Variants in GNG7 observed in about 807,000 individuals in gnomAD.
The protein encoded by GNG7 is G protein subunit gamma 7.
A neutral mutation model predicts 4.0 loss-of-function variants in GNG7; 1 was observed. The observed-to-expected ratio is 0.25, with a 90% confidence interval of 0.09 to 1.18. GNG7 has a LOEUF of 1.18. Among genes scored for constraint, GNG7 ranks in the 50% most tolerant of loss-of-function variants. GNG7 has a pLI of 0.50. For synonymous variants in GNG7, 34 were observed against 36.9 expected, an observed-to-expected ratio of 0.92 and a Z score of 0.29; for missense variants, 86 against 91.9, an observed-to-expected ratio of 0.94 and a Z score of 0.26.
chr19:2,556,737 C>A (rs1014154401), intron 2 of GNG7, among the ~76,000 whole-genome samples: 1 of 152,162 alleles, frequency 6.6e-6, no homozygotes, highest in African/African-American at 2.4e-5. Flanking sequence ...ACTGAGGTCA[C>A]CTTCTCCTAA....
At chr19:2,675,207 C>G (rs968308467) in intron 1 of GNG7, among the ~76,000 whole-genome samples, 1 of 152,158 alleles carries the variant, frequency 6.6e-6, no homozygotes, top group Admixed American at 6.6e-5. Context: ...GACGGATGCA[C>G]GCCAGAAATT....
chr19:2,630,805 G>A (rs1982140586), intron 2 of GNG7: 1 of 151,700 alleles, frequency 6.6e-6, no homozygotes, highest in Admixed American at 6.6e-5. Flanking sequence ...ATGGAACCAT[G>A]AGATAATAAA....
intron 1 of GNG7, among the ~76,000 whole-genome samples, chr19:2,650,774 C>A (rs569100702): frequency 6.6e-6 from 1 of 152,242 alleles, no homozygotes; most frequent in African/African-American, 2.4e-5. Context: ...CTCAGCCTGA[C>A]AGAAACGCTG....
intron 3 of GNG7, among the ~76,000 whole-genome samples, chr19:2,541,066 G>A (rs998151505): frequency 6.6e-6 from 1 of 152,396 alleles, no homozygotes; most frequent in South Asian, 2.1e-4. Flanking sequence ...CAGAGACAGG[G>A]ACTTTACCGA....
intron 2 of GNG7, among the ~76,000 whole-genome samples, chr19:2,639,593 G>A (rs1982429768): frequency 1.0e-4 from 1 of 9,998 alleles, no homozygotes; most frequent in Non-Finnish European, 2.2e-4. Context: ...AATGTAGATG[G>A]CAGGCACAGA....
intron 3 of GNG7, among the ~76,000 whole-genome samples, chr19:2,539,471 A>G (rs542676683): frequency 5.0e-4 from 76 of 151,392 alleles, no homozygotes; most frequent in African/African-American, 1.8e-3. Context: ...CGCCTGGCTA[A>G]TTTTTGTATT....
At chr19:2,689,905 G>A (rs1400044665) in intron 1 of GNG7, among the ~76,000 whole-genome samples, 4 of 152,056 alleles carry the variant, frequency 2.6e-5, no homozygotes, top group South Asian at 2.1e-4. Context: ...CTACGGCAAC[G>A]ACTTAACTAC....
chr19:2,623,068 A>G (rs1981926350), intron 2 of GNG7, among the ~76,000 whole-genome samples: 1 of 152,168 alleles, frequency 6.6e-6, no homozygotes, highest in Non-Finnish European at 1.5e-5. Flanking sequence ...GTGTCCCAGG[A>G]GGCAAAAAGG....
chr19:2,551,723 C>A (rs542204693), intron 3 of GNG7, among the ~76,000 whole-genome samples: 1 of 99,048 alleles, frequency 1.0e-5, no homozygotes, highest in Non-Finnish European at 1.9e-5. Flanking sequence ...TCGCTCTGGC[C>A]CCCAGGCTGG....
rs1197776766 is a variant in GNG7 at position 2,557,167 on chromosome 19, CACACACGT to C, written c.-77-1987_-77-1980del. Among the ~76,000 whole-genome samples, 1 of 151,526 alleles carries C rather than the reference CACACACGT, an allele frequency of 6.6e-6. No individual in the cohort carries two copies. The highest frequency in any genetic ancestry group is 1.5e-5 in the Non-Finnish European group (1 of 67,692). On this transcript the variant is annotated intron_variant, in intron 2 of 4. Transcript: ENST00000382159. This position sits in a 1 kb window ranked among gnomAD's most constrained non-coding sequence, Gnocchi z 5.1. ...ACGCACATGCACACAAAGACACGCG[CACACACGT>C]ACACACAAGACACGTGCACACACAT...
Position 2,512,462 on chromosome 19 carries a change from C to T in GNG7, c.*2560G>A. 2 of 718,398 alleles carry T rather than the reference C, an allele frequency of 2.8e-6. No homozygotes were observed. Among genetic ancestry groups the T allele is most frequent in the Non-Finnish European group, 3.4e-6 (2 of 586,240 alleles). 44.5% of individuals were successfully genotyped at this position (718,398 alleles called of 1,614,324 possible). On this transcript the variant is annotated 3_prime_UTR_variant, in exon 5 of 5. Coordinates refer to ENST00000382159, the MANE Select transcript of GNG7 (RefSeq NM_052847.3). This position sits in a 1 kb window ranked among gnomAD's most constrained non-coding sequence, Gnocchi z 4.7. ...GGTCCGGGAGATGGTGGGGTCTGGA[C>T]AGCTCAGGGAACCCAAGGCCCTGTG...
At chr19:2,681,311 G>A (rs932321767) in intron 1 of GNG7, among the ~76,000 whole-genome samples, 1 of 152,076 alleles carries the variant, frequency 6.6e-6, no homozygotes, top group Non-Finnish European at 1.5e-5. Flanking sequence ...AGCCTCCCGA[G>A]TAGCTGGGAC....
At position 2,633,535 on chromosome 19, in the gene GNG7, T is replaced by C. The variant is rs1302518308; in HGVS notation, c.-78+12689A>G. On this transcript the variant is annotated intron_variant, in intron 2 of 4. Coordinates refer to ENST00000382159, the MANE Select transcript of GNG7 (RefSeq NM_052847.3). This position sits in a 1 kb window ranked among gnomAD's most constrained non-coding sequence, Gnocchi z 5.9. ...CACACACACACACACGAGAGGTGGC[T>C]GTGGTCTGCACACTGGGCTGGGGTA... is the stretch of plus-strand genomic sequence containing the variant. Among the ~76,000 whole-genome samples, 2 of 148,188 alleles carry C rather than the reference T, an allele frequency of 1.3e-5. No homozygotes were observed. The highest frequency in any genetic ancestry group is 3.0e-5 in the Non-Finnish European group (2 of 66,688).
intron 4 of GNG7, among the ~76,000 whole-genome samples, chr19:2,517,566 T>C (rs1978290474): frequency 6.6e-6 from 1 of 152,096 alleles, no homozygotes; most frequent in Non-Finnish European, 1.5e-5. Flanking sequence ...GGTTTCACCA[T>C]GTTGGCCAGG....
At position 2,684,356 on chromosome 19, in the gene GNG7, C is replaced by T. The variant is rs181395874; in HGVS notation, c.-135+18290G>A. On this transcript the variant is annotated intron_variant, in intron 1 of 4. Transcript: ENST00000382159. ...TTCACCATGTTGGCCAGGATGGTCT[C>T]GATCTCTTGACCTCGTGATCCGCCT... Among the ~76,000 whole-genome samples the T allele has an allele frequency of 3.8e-3, 569 of 151,594 alleles. 5 individuals are homozygous for T. Among genetic ancestry groups the T allele is most frequent in the African/African-American group, 0.013 (541 of 41,382 alleles).
At chr19:2,534,760 T>C (rs574593990) in intron 3 of GNG7, among the ~76,000 whole-genome samples, 3 of 152,312 alleles carry the variant, frequency 2.0e-5, no homozygotes, top group African/African-American at 7.2e-5. Context: ...ATAGTTTCTG[T>C]CTGAAAGCCA....
chr19:2,690,346 A>C (rs1913109279), intron 1 of GNG7, among the ~76,000 whole-genome samples: 1 of 152,150 alleles, frequency 6.6e-6, no homozygotes, highest in African/African-American at 2.4e-5. Flanking sequence ...ACACCACTGC[A>C]CTCCAACCTA....
At chr19:2,538,085 C>G (rs1323193132) in intron 3 of GNG7, 5 of 452,910 alleles carry the variant, frequency 1.1e-5, no homozygotes, top group African/African-American at 2.0e-5. Flanking sequence ...TCAAACAAAA[C>G]AAAACAAAAC....
intron 2 of GNG7, among the ~76,000 whole-genome samples, chr19:2,604,594 C>T (rs1981319748): frequency 7.8e-6 from 1 of 127,492 alleles, no homozygotes; most frequent in Non-Finnish European, 1.6e-5. Flanking sequence ...AGAAAGTTTT[C>T]TGCCCTAGAC....
Sources: allele counts gnomAD v4.1 joint callset (sites outside exome capture counted in the v4.1 genomes callset), GRCh38; gene constraint gnomAD v4.1.1; non-coding constraint Gnocchi (gnomAD v3.1); transcripts MANE v1.5; gene names NCBI Gene and HGNC (gene_info 2026-07-23, HGNC 2026-07-21).